GOLGB1: variants seen among roughly 807,000 people sequenced by gnomAD.
GOLGB1 encodes the protein golgin B1.
GOLGB1 carries 174 observed loss-of-function variants against 336.9 expected under a neutral mutation model. The ratio of observed to expected loss-of-function variants is 0.52; its 90% confidence interval spans 0.46 to 0.59. The LOEUF (loss-of-function observed/expected upper bound fraction) is 0.59. GOLGB1 is among the 20% of genes least tolerant of loss of function. GOLGB1 has a pLI of 0.00. For synonymous variants in GOLGB1, 1,208 were observed against 1,289.2 expected (o/e 0.94, Z 1.35); for missense variants, 3,331 against 3,645.3 (o/e 0.91, Z 2.22).
intron 7 of GOLGB1, among the ~76,000 whole-genome samples, chr3:121,719,313 A>T (rs1317600138): frequency 6.6e-6 from 1 of 152,186 alleles, no homozygotes; most frequent in African/African-American, 2.4e-5. Flanking sequence ...TTTAAAACTG[A>T]CTTCATTGAT....
At chr3:121,724,524 C>T (rs978771803) in intron 5 of GOLGB1, among the ~76,000 whole-genome samples, 1 of 150,434 alleles carries the variant, frequency 6.6e-6, no homozygotes, top group African/African-American at 2.5e-5. Context: ...GTGGTTACTT[C>T]TATCTGCTTA....
At chr3:121,667,233 T>C (rs939680232) in intron 20 of GOLGB1, among the ~76,000 whole-genome samples, 1 of 152,220 alleles carries the variant, frequency 6.6e-6, no homozygotes, top group Non-Finnish European at 1.5e-5. Flanking sequence ...AAATAAAATA[T>C]CTTTCAGTAA....
At position 121,743,629 on chromosome 3, in the gene GOLGB1, A is replaced by G. The variant is rs1202893214; in HGVS notation, c.-3+6003T>C. Among the ~76,000 whole-genome samples, 6 of 152,224 alleles carry G rather than the reference A, an allele frequency of 3.9e-5. No homozygotes were observed. The South Asian group carries it at 1.2e-3, about 31-fold the overall frequency. The stretch of plus-strand genomic sequence containing the variant: ...AAGTATAATAAAAAAAATACAGTTA[A>G]TCAAAATTAATACCTCTAGGAATAC... On this transcript the variant is annotated intron_variant, in intron 1 of 21. Coordinates refer to ENST00000614479, the MANE Select transcript of GOLGB1 (RefSeq NM_001366282.2).
At chr3:121,699,039 C>CA in intron 12 of GOLGB1, 110 bp from the exon 13 acceptor site, 1 of 792,528 alleles carries the variant, frequency 1.3e-6, no homozygotes. Context: ...ACTTTTTGGT[C>CA]AAAACCTTCT....
chr3:121,718,152 G>T (rs1377258296), intron 8 of GOLGB1, among the ~76,000 whole-genome samples: 1 of 152,072 alleles, frequency 6.6e-6, no homozygotes, highest in East Asian at 1.9e-4. Context: ...ATGGCAAAGG[G>T]AAAGAGCAAC....
chr3:121,687,039 G>T (rs1015219363), intron 14 of GOLGB1, among the ~76,000 whole-genome samples: 1 of 152,110 alleles, frequency 6.6e-6, no homozygotes, highest in Non-Finnish European at 1.5e-5. Context: ...TTTGGGAGCC[G>T]AGGCAGGTGG....
At chr3:121,747,790 T>C (rs1947471448) in intron 1 of GOLGB1, among the ~76,000 whole-genome samples, 2 of 152,040 alleles carry the variant, frequency 1.3e-5, no homozygotes, top group African/African-American at 2.4e-5. Flanking sequence ...GATCAGTAGA[T>C]AGAAAAGAAA....
chr3:121,667,876 T>C (rs372629237), intron 19 of GOLGB1, among the ~76,000 whole-genome samples, 185 bp downstream of exon 19: 16 of 152,256 alleles, frequency 1.1e-4, no homozygotes, highest in African/African-American at 3.6e-4. Context: ...CTTTTTGTTT[T>C]ACAAACTTTT....
intron 16 of GOLGB1, 116 bp downstream of exon 16, chr3:121,677,167 ATT>A: frequency 8.1e-7 from 1 of 1,229,888 alleles, no homozygotes; most frequent in Non-Finnish European, 1.2e-6. Flanking sequence ...TGGGCACTTA[ATT>A]TGTAGGAAGC....
Position 121,691,554 on chromosome 3 carries a change from C to T in GOLGB1, c.7810G>A (p.Asp2604Asn). 1.2e-6 allele frequency: 2 copies of T among 1,613,142 alleles called. No individual in the cohort carries two copies. Among genetic ancestry groups the T allele is most frequent in the Non-Finnish European group, 8.5e-7 (1 of 1,179,760 alleles). The stretch of plus-strand genomic sequence containing the variant: ...AAACTCTCAATCTCTTTAGATAAAT[C>T]TTGTTTCTCTTCTTGTAGGGCATTA... Reference protein sequence around the residue: ...SFNALQEEKQDLSKEIESLKV... With the variant: ...SFNALQEEKQNLSKEIESLKV... The change falls in exon 14 of 22, where the codon GAT becomes AAT. Residue 2604 changes from aspartate (D) to asparagine (N), a missense_variant. Coordinates refer to ENST00000614479, the MANE Select transcript of GOLGB1 (RefSeq NM_001366282.2).
chr3:121,664,751 A>C (rs1030029138), intron 21 of GOLGB1, 137 bp from the exon 22 acceptor site: 1 of 906,608 alleles, frequency 1.1e-6, no homozygotes, highest in Non-Finnish European at 1.7e-6. Flanking sequence ...GTTGCCTCAG[A>C]GTCAACAACT....
At chr3:121,729,734 G>A in intron 3 of GOLGB1, 131 bp downstream of exon 3, 1 of 669,464 alleles carries the variant, frequency 1.5e-6, no homozygotes, top group Non-Finnish European at 2.5e-6. Context: ...ATTTTCAGTA[G>A]GCATAAGGTT....
intron 14 of GOLGB1, among the ~76,000 whole-genome samples, chr3:121,687,572 TCA>T (rs1941883032): frequency 1.3e-5 from 2 of 152,064 alleles, no homozygotes; most frequent in Admixed American, 1.3e-4. Context: ...TAAAATAAAA[TCA>T]CAGTTATGAG....
intron 10 of GOLGB1, among the ~76,000 whole-genome samples, chr3:121,704,659 C>A (rs1943665118): frequency 6.6e-6 from 1 of 151,600 alleles, no homozygotes; most frequent in African/African-American, 2.4e-5. Context: ...GCCTGTAATC[C>A]CAGCTACTCA....
intron 10 of GOLGB1, among the ~76,000 whole-genome samples, chr3:121,710,906 G>A (rs138569463): frequency 0.1 from 15,347 of 151,864 alleles, 852 homozygotes; most frequent in South Asian, 0.16. Flanking sequence ...AAGGCCAGGC[G>A]CAGTGGCTCA....
chr3:121,712,331 T>G (rs945215307), intron 10 of GOLGB1, among the ~76,000 whole-genome samples: 1 of 151,768 alleles, frequency 6.6e-6, no homozygotes, highest in African/African-American at 2.4e-5. Context: ...AGACTTCAAA[T>G]GAAAACTAAA....
In GOLGB1 at chr3:121,697,196, T is replaced by C. The variant is rs371864151; in HGVS notation, c.3327A>G (p.Lys1109=). 7.4e-6 allele frequency: 12 copies of C among 1,614,000 alleles called. No homozygotes were observed. Among genetic ancestry groups the C allele is most frequent in the Non-Finnish European group, 1.0e-5 (12 of 1,180,006 alleles). ...VKQMNQTLQD[K]TNQIDLLQAE... is the part of the protein sequence containing the mutation. ...CTTGGAGCAAATCTATTTGGTTTGT[T>C]TTATCTTGCAAGGTCTGATTCATCT... is the stretch of plus-strand genomic sequence containing the variant. The change falls in exon 13 of 22, where the codon AAA becomes AAG. Residue 1109 remains lysine (K), a synonymous_variant. Transcript: ENST00000614479.
At chr3:121,741,823 G>T (rs189221032) in intron 1 of GOLGB1, among the ~76,000 whole-genome samples, 1 of 151,898 alleles carries the variant, frequency 6.6e-6, no homozygotes, top group African/African-American at 2.4e-5. Flanking sequence ...CCTAGATTGG[G>T]GTCTTGAAAT....
intron 10 of GOLGB1, among the ~76,000 whole-genome samples, chr3:121,709,555 G>A (rs1944169771): frequency 1.3e-5 from 2 of 152,030 alleles, no homozygotes; most frequent in Admixed American, 1.3e-4. Flanking sequence ...CTACAACAAC[G>A]TGTTTATTTA....
Sources: allele counts gnomAD v4.1 joint callset (sites outside exome capture counted in the v4.1 genomes callset), GRCh38; gene constraint gnomAD v4.1.1; transcripts MANE v1.5; gene names NCBI Gene and HGNC (gene_info 2026-07-23, HGNC 2026-07-21).